The following GALNT13 variants were observed in gnomAD, a reference collection of about 807,000 sequenced individuals.
GALNT13 encodes polypeptide N-acetylgalactosaminyltransferase 13.
GALNT13 carries 28 observed loss-of-function variants against 64.2 expected under a neutral mutation model. The ratio of observed to expected loss-of-function variants is 0.44; its 90% CI spans 0.32 to 0.60. The LOEUF (loss-of-function observed/expected upper bound fraction) is 0.60. Ranked by LOEUF, GALNT13 falls within the 20% of genes least tolerant of loss-of-function variation. GALNT13 has a pLI of 0.05. For missense variants in GALNT13, 577 were observed against 669.8 expected (o/e 0.86, Z 1.53); for synonymous variants, 214 against 224.6 (o/e 0.95, Z 0.42).
chr2:153,476,165 G>T, the GALNT13 span, among the ~76,000 whole-genome samples: 1 of 152,144 alleles, frequency 6.6e-6, no homozygotes, highest in Non-Finnish European at 1.5e-5. Context: ...ACCATCCTAG[G>T]TTGTGATTTC....
chr2:153,629,308 C>G, the GALNT13 span, among the ~76,000 whole-genome samples: 1 of 151,550 alleles, frequency 6.6e-6, no homozygotes, highest in Admixed American at 6.6e-5. Flanking sequence ...AGATATAGAT[C>G]AATGGAACAG....
chr2:153,418,086 T>G, the GALNT13 span, among the ~76,000 whole-genome samples: 3 of 152,162 alleles, frequency 2.0e-5, no homozygotes, highest in African/African-American at 4.8e-5. Flanking sequence ...TTTGGAGAGA[T>G]TGTCCTGGAG....
At chr2:153,638,932 G>A in the GALNT13 span, among the ~76,000 whole-genome samples, 1 of 152,190 alleles carries the variant, frequency 6.6e-6, no homozygotes, top group African/African-American at 2.4e-5. Context: ...GGATTGCTGA[G>A]CAGGACCAAG....
chr2:154,385,371 G>A (rs188098363), intron 9 of GALNT13, among the ~76,000 whole-genome samples: 29 of 151,842 alleles, frequency 1.9e-4, no homozygotes, highest in African/African-American at 6.0e-4. Context: ...ATCATTCAAG[G>A]GATGATAATT....
chr2:153,257,153 G>A, the GALNT13 span, among the ~76,000 whole-genome samples: 3 of 152,212 alleles, frequency 2.0e-5, no homozygotes, highest in Non-Finnish European at 1.5e-5. Flanking sequence ...ATAATCTTGT[G>A]GTGCGCCGTT....
intron 9 of GALNT13, among the ~76,000 whole-genome samples, chr2:154,339,831 C>G (rs1375864136): frequency 6.6e-6 from 1 of 151,960 alleles, no homozygotes; most frequent in Non-Finnish European, 1.5e-5. Context: ...CAGATTTTCT[C>G]AAATTGATGG....
At chr2:154,156,700 A>G (rs1684442829) in intron 4 of GALNT13, among the ~76,000 whole-genome samples, 1 of 152,180 alleles carries the variant, frequency 6.6e-6, no homozygotes, top group Admixed American at 6.6e-5. Flanking sequence ...ACCACTACAG[A>G]ACACCAAAGA....
At chr2:153,906,690 G>A (rs1227787934) in intron 2 of GALNT13, among the ~76,000 whole-genome samples, 23 of 151,708 alleles carry the variant, frequency 1.5e-4, no homozygotes, top group African/African-American at 5.6e-4. Context: ...ATTGTGAATA[G>A]TGCTGCAATA....
chr2:153,434,337 A>C, the GALNT13 span, among the ~76,000 whole-genome samples: 1 of 152,208 alleles, frequency 6.6e-6, no homozygotes, highest in Non-Finnish European at 1.5e-5. Flanking sequence ...TCCTTTGGGT[A>C]TATACCCAGT....
intron 3 of GALNT13, among the ~76,000 whole-genome samples, chr2:154,045,775 C>T (rs943664340): frequency 3.3e-5 from 5 of 152,164 alleles, no homozygotes; most frequent in African/African-American, 1.2e-4. Context: ...GCTCACCAAA[C>T]GAAGCAATAA....
At chr2:154,131,024 G>A (rs1266329297) in intron 3 of GALNT13, among the ~76,000 whole-genome samples, 2 of 152,096 alleles carry the variant, frequency 1.3e-5, no homozygotes, top group Non-Finnish European at 2.9e-5. Flanking sequence ...GGAAGATAAG[G>A]ATATTTCCTG....
At chr2:153,869,588 T>G (rs951737815), upstream of GALNT13, among the ~76,000 whole-genome samples, 12 of 152,210 alleles carry the variant, frequency 7.9e-5, no homozygotes, top group Non-Finnish European at 1.8e-4. Context: ...TACTTCTCAG[T>G]GCATCATATC....
intron 3 of GALNT13, among the ~76,000 whole-genome samples, chr2:154,014,931 C>T (rs1696905321): frequency 6.6e-6 from 1 of 152,258 alleles, no homozygotes; most frequent in East Asian, 1.9e-4. Flanking sequence ...CGCGCCCAGC[C>T]TCTGATAATT....
At chr2:153,195,433 G>GGCT in the GALNT13 span, among the ~76,000 whole-genome samples, 1 of 152,196 alleles carries the variant, frequency 6.6e-6, no homozygotes, top group Non-Finnish European at 1.5e-5. Context: ...CAGACATGCT[G>GGCT]GCTGCTGCTG....
chr2:153,244,399 C>T, the GALNT13 span, among the ~76,000 whole-genome samples: 1 of 152,142 alleles, frequency 6.6e-6, no homozygotes, highest in African/African-American at 2.4e-5. Context: ...GTCTGCAGCT[C>T]CCATTGAGAC....
At chr2:153,730,406 G>C in the GALNT13 span, among the ~76,000 whole-genome samples, 8 of 151,856 alleles carry the variant, frequency 5.3e-5, no homozygotes, top group Non-Finnish European at 8.8e-5. Flanking sequence ...GTAGAAGACT[G>C]AACTGCTTTC....
At chr2:153,346,274 A>G in the GALNT13 span, among the ~76,000 whole-genome samples, 1 of 152,120 alleles carries the variant, frequency 6.6e-6, no homozygotes, top group Non-Finnish European at 1.5e-5. Flanking sequence ...GAAATTACCA[A>G]ATCTTCTATA....
At chr2:154,163,386 G>A (rs991946007) in intron 4 of GALNT13, among the ~76,000 whole-genome samples, 2 of 151,902 alleles carry the variant, frequency 1.3e-5, no homozygotes, top group Non-Finnish European at 2.9e-5. Flanking sequence ...GAATCAAATA[G>A]ATGCAATAAA....
chr2:153,588,978 C>T, the GALNT13 span, among the ~76,000 whole-genome samples: 1 of 152,046 alleles, frequency 6.6e-6, no homozygotes, highest in East Asian at 1.9e-4. Context: ...ACCAGCCTGA[C>T]CAACATGGAG....
Sources: allele counts gnomAD v4.1 joint callset (sites outside exome capture counted in the v4.1 genomes callset), GRCh38; gene constraint gnomAD v4.1.1; transcripts MANE v1.5; gene names NCBI Gene and HGNC (gene_info 2026-07-23, HGNC 2026-07-21).